The following FOXP2 variants were observed in gnomAD, a reference collection of about 807,000 sequenced individuals.
The protein encoded by FOXP2 is forkhead box P2.
A neutral mutation model predicts 115.8 loss-of-function variants in FOXP2; 12 were observed. The observed-to-expected ratio is 0.10, with a 90% CI of 0.07 to 0.17. The LOEUF (loss-of-function observed/expected upper bound fraction) is 0.17. Among genes scored for constraint, FOXP2 ranks in the 10% least tolerant of loss-of-function variants. The pLI is 1.00. For missense variants in FOXP2, 629 were observed against 843.5 expected (o/e 0.75, Z 3.15); for synonymous variants, 328 against 297.7 (o/e 1.10, Z -1.05).
chr7:114,415,676 C>A (rs1793307707), intron 1 of FOXP2, among the ~76,000 whole-genome samples: 1 of 151,902 alleles, frequency 6.6e-6, no homozygotes, highest in Non-Finnish European at 1.5e-5. Flanking sequence ...AGGGTTCCTG[C>A]TTTCATGGTT....
At chr7:114,364,923 T>C (rs1791842321) in intron 2 of FOXP2, among the ~76,000 whole-genome samples, 1 of 152,208 alleles carries the variant, frequency 6.6e-6, no homozygotes, top group African/African-American at 2.4e-5. Flanking sequence ...TTTGGAAGTC[T>C]GTGTGCTTTA....
chr7:114,356,568 T>C (rs534456871), intron 2 of FOXP2, among the ~76,000 whole-genome samples: 5 of 152,296 alleles, frequency 3.3e-5, no homozygotes, highest in African/African-American at 1.2e-4. Context: ...AATGTAAACA[T>C]CATCTGTGTA....
chr7:114,280,576 G>A (rs1796308332), intron 1 of FOXP2, among the ~76,000 whole-genome samples: 1 of 152,038 alleles, frequency 6.6e-6, no homozygotes, highest in South Asian at 2.1e-4. Flanking sequence ...GCTATACTCT[G>A]TTCTATGAAA....
At chr7:114,288,436 T>C (rs1007400206) in intron 2 of FOXP2, among the ~76,000 whole-genome samples, 4 of 151,844 alleles carry the variant, frequency 2.6e-5, no homozygotes, top group Non-Finnish European at 5.9e-5. Flanking sequence ...GAGAATCTTG[T>C]TACCATTGTA....
intron 1 of FOXP2, among the ~76,000 whole-genome samples, chr7:114,280,875 C>A (rs1216277690): frequency 6.6e-6 from 1 of 152,014 alleles, no homozygotes; most frequent in Non-Finnish European, 1.5e-5. Context: ...CTTACTTTTG[C>A]TTACATGATA....
chr7:114,366,926 G>A (rs1584669847), intron 2 of FOXP2, among the ~76,000 whole-genome samples: 1 of 152,100 alleles, frequency 6.6e-6, no homozygotes, highest in East Asian at 1.9e-4. Flanking sequence ...ATTTTGTTAA[G>A]ATTGGATATT....
intron 1 of FOXP2, among the ~76,000 whole-genome samples, chr7:114,205,947 T>A (rs1486790969): frequency 6.6e-6 from 1 of 152,178 alleles, no homozygotes; most frequent in African/African-American, 2.4e-5. Context: ...TTAGAACCCA[T>A]GGCCAAGCTT....
At chr7:114,338,147 A>G (rs1357485876) in intron 2 of FOXP2, among the ~76,000 whole-genome samples, 1 of 151,138 alleles carries the variant, frequency 6.6e-6, no homozygotes, top group African/African-American at 2.4e-5. Flanking sequence ...ATTTTCAATT[A>G]TGTGGAATTT....
chr7:114,602,938 G>A (rs148146583), intron 3 of FOXP2, among the ~76,000 whole-genome samples: 50 of 152,060 alleles, frequency 3.3e-4, no homozygotes, highest in African/African-American at 1.0e-3. Flanking sequence ...TTATTTCAGG[G>A]TTACTTTTAC....
intron 1 of FOXP2, among the ~76,000 whole-genome samples, chr7:114,197,201 A>G (rs767915650): frequency 6.6e-6 from 1 of 152,190 alleles, no homozygotes; most frequent in Non-Finnish European, 1.5e-5. Flanking sequence ...CTGTCTCAAA[A>G]CAAAGCAAAA....
At chr7:114,176,234 T>TCTC (rs1562992738) in intron 1 of FOXP2, among the ~76,000 whole-genome samples, 13 of 149,520 alleles carry the variant, frequency 8.7e-5, no homozygotes, top group Middle Eastern at 3.2e-3. Flanking sequence ...GTCTTGTCTT[T>TCTC]TCTTTCTTTC....
intron 2 of FOXP2, among the ~76,000 whole-genome samples, chr7:114,459,730 C>T (rs1795478023): frequency 6.6e-6 from 1 of 152,114 alleles, no homozygotes; most frequent in Non-Finnish European, 1.5e-5. Context: ...ATTCTCCTGC[C>T]TCAGCCTTCC....
At chr7:114,515,981 T>C (rs1020060998) in intron 2 of FOXP2, among the ~76,000 whole-genome samples, 3 of 152,164 alleles carry the variant, frequency 2.0e-5, no homozygotes, top group African/African-American at 7.2e-5. Flanking sequence ...ATGGCTATAC[T>C]GCCCAAGGTA....
At chr7:114,127,994 A>G (rs535224195) in intron 1 of FOXP2, among the ~76,000 whole-genome samples, 4 of 152,342 alleles carry the variant, frequency 2.6e-5, no homozygotes, top group South Asian at 2.1e-4. Flanking sequence ...TAAATTTTCT[A>G]GCTGGTTTCA....
At chr7:114,241,313 C>A (rs1562831658) in intron 1 of FOXP2, among the ~76,000 whole-genome samples, 1 of 151,964 alleles carries the variant, frequency 6.6e-6, no homozygotes, top group East Asian at 1.9e-4. Flanking sequence ...CTTTAAATAT[C>A]TACTGTAAGT....
chr7:114,664,323 A>G lies in FOXP2; in HGVS notation c.1890A>G (p.Ile630Met), dbSNP rs770923990. The G allele has an allele frequency of 1.9e-6, 3 of 1,613,490 alleles. No individual in the cohort carries two copies. In the African/African-American group the frequency reaches 4.0e-5, roughly 22 times the overall value. ...SLPLLSNPGLINNASSGLLQA... is the reference protein window; with the variant it reads ...SLPLLSNPGLMNNASSGLLQA... ...CTTTGCTAAGTAATCCTGGACTGAT[A>G]AATAATGCATCCAGTGGCCTACTGC... The change falls in exon 16 of 17, where the codon ATA (isoleucine) becomes ATG (methionine). Residue 630 changes from isoleucine to methionine, a missense_variant. Ile to Met is a conservative substitution (Grantham distance 10). This residue lies in a region of FOXP2 where 117 missense variants were observed against 112.3 expected (regional missense o/e 1.04). Transcript: ENST00000350908.
intron 1 of FOXP2, among the ~76,000 whole-genome samples, chr7:114,260,893 T>C (rs926707644): frequency 6.7e-6 from 1 of 148,942 alleles, no homozygotes; most frequent in Non-Finnish European, 1.5e-5. Flanking sequence ...AAAAAAGAAA[T>C]TAACGAGTGG....
intron 1 of FOXP2, chr7:114,416,259 A>G (rs769199719): frequency 1.3e-5 from 2 of 152,034 alleles, no homozygotes; most frequent in Non-Finnish European, 2.9e-5. Flanking sequence ...TGATTTAAGT[A>G]TGCATGAACA....
At chr7:114,631,392 C>A (rs1281309314) in intron 5 of FOXP2, 136 bp from the exon 6 acceptor site, 1 of 1,421,686 alleles carries the variant, frequency 7.0e-7, no homozygotes, top group Non-Finnish European at 9.6e-7. Context: ...TACTCACATT[C>A]TGCCCCTGAA....
Sources: gnomAD v4.1 joint callset for allele counts (sites outside exome capture counted in the v4.1 genomes callset) on GRCh38, gnomAD v4.1.1 for gene constraint, gnomAD v4.1.1 regional missense constraint, MANE v1.5 for transcripts, NCBI Gene and HGNC (gene_info 2026-07-23, HGNC 2026-07-21) for gene names.